RAPGEF6: variants seen among roughly 807,000 people sequenced by gnomAD.
RAPGEF6 encodes PDZ domain containing guanine nucleotide exchange factor (GEF) 2.
A neutral mutation model predicts 171.4 loss-of-function variants in RAPGEF6; 56 were observed. The ratio of observed to expected loss-of-function variants is 0.33; its 90% CI spans 0.26 to 0.41. The LOEUF is 0.41. RAPGEF6 is among the 10% of genes least tolerant of loss of function. The pLI is 1.00. For synonymous variants in RAPGEF6, 692 were observed against 650.1 expected (o/e 1.06, Z -0.98); for missense variants, 1,674 against 1,921.4 (o/e 0.87, Z 2.41).
chr5:131,634,778 G>A (rs1288567104), intron 1 of RAPGEF6, among the ~76,000 whole-genome samples, 184 bp downstream of exon 1: 1 of 152,220 alleles, frequency 6.6e-6, no homozygotes, highest in Non-Finnish European at 1.5e-5. Flanking sequence ...CGCATCACAG[G>A]CAGGAAGGGC....
At chr5:131,603,234 A>G (rs1390066686) in intron 3 of RAPGEF6, 37 bp downstream of exon 3, 2 of 1,436,388 alleles carry the variant, frequency 1.4e-6, no homozygotes, top group Non-Finnish European at 1.9e-6. Flanking sequence ...TTTAAACATA[A>G]AAGTCATTAG....
chr5:131,496,201 C>G (rs946400743), intron 12 of RAPGEF6, among the ~76,000 whole-genome samples: 25 of 152,060 alleles, frequency 1.6e-4, no homozygotes, highest in Admixed American at 7.9e-4. Flanking sequence ...AAACAAAAAC[C>G]CTTACAAATC....
intron 24 of RAPGEF6, among the ~76,000 whole-genome samples, chr5:131,437,313 G>A (rs1561463345): frequency 2.0e-5 from 3 of 152,198 alleles, no homozygotes; most frequent in Admixed American, 1.3e-4. Flanking sequence ...AGTGTTGAGT[G>A]TAGATTTTGT....
chr5:131,457,764 C>A (rs1753617941), intron 19 of RAPGEF6, among the ~76,000 whole-genome samples: 1 of 152,002 alleles, frequency 6.6e-6, no homozygotes, highest in Non-Finnish European at 1.5e-5. Context: ...CTGTGAGGAG[C>A]CATGGAACGA....
At chr5:131,468,658 G>A (rs569246777) in intron 17 of RAPGEF6, among the ~76,000 whole-genome samples, 2 of 152,272 alleles carry the variant, frequency 1.3e-5, no homozygotes, top group African/African-American at 2.4e-5. Context: ...TGCCTGTTAT[G>A]TGTCAACAGG....
chr5:131,517,564 T>TGGGCCAGGCGCGGTG (rs1554077998), intron 7 of RAPGEF6, among the ~76,000 whole-genome samples: 1 of 141,334 alleles, frequency 7.1e-6, no homozygotes, highest in Non-Finnish European at 1.6e-5. Context: ...ATCTCTCAAA[T>TGGGCCAGGCGCGGTG]GCTAAAATTC....
intron 15 of RAPGEF6, among the ~76,000 whole-genome samples, chr5:131,482,607 C>CT (rs1755567277): frequency 1.3e-5 from 2 of 152,144 alleles, no homozygotes; most frequent in East Asian, 1.9e-4. Context: ...CTGGCCAATA[C>CT]TTTTTAAATC....
chr5:131,608,228 C>T lies in RAPGEF6; in HGVS notation c.70-3535G>A, dbSNP rs113079086. On this transcript the variant is annotated intron_variant, in intron 1 of 27. Coordinates refer to ENST00000509018, the MANE Select transcript of RAPGEF6 (RefSeq NM_016340.6). ...AAGAAAAATCATCTGGGCCACAAAA[C>T]CTAAAACATTCACTATTTGGCCCTT... 4.3e-3 allele frequency among the ~76,000 whole-genome samples: 661 copies of T among 152,190 alleles called. 7 individuals are homozygous for T. Among genetic ancestry groups the T allele is most frequent in the African/African-American group, 0.015 (633 of 41,508 alleles).
At chr5:131,509,420 G>A (rs999921746) in intron 8 of RAPGEF6, among the ~76,000 whole-genome samples, 1 of 152,028 alleles carries the variant, frequency 6.6e-6, no homozygotes, top group African/African-American at 2.4e-5. Context: ...GCGGGCGCCT[G>A]TAGTCCCAGC....
At chr5:131,615,334 T>C (rs1448972181) in intron 1 of RAPGEF6, among the ~76,000 whole-genome samples, 1 of 152,188 alleles carries the variant, frequency 6.6e-6, no homozygotes, top group African/African-American at 2.4e-5. Flanking sequence ...TGGCATTTTG[T>C]TTACACAGGA....
chr5:131,489,492 T>A lies in RAPGEF6; in HGVS notation c.1840+54A>T, dbSNP rs1756138093. 1.8e-5 allele frequency: 19 copies of A among 1,053,508 alleles called. No homozygotes were observed. In the South Asian group the frequency reaches 2.6e-4, roughly 15 times the overall value. 65.3% of individuals were successfully genotyped at this position (1,053,508 alleles called of 1,614,324 possible). On this transcript the variant is annotated intron_variant, in intron 15 of 27. Coordinates refer to ENST00000509018, the MANE Select transcript of RAPGEF6 (RefSeq NM_016340.6). Reference sequence around the variant, plus strand: ...TCTTTTCTTCCACTGTAATGACTTTTCTATTACCAAATTAAGAAGAAAGAG... The same window carrying A: ...TCTTTTCTTCCACTGTAATGACTTTACTATTACCAAATTAAGAAGAAAGAG...
chr5:131,456,471 C>T (rs1753513741), intron 19 of RAPGEF6, among the ~76,000 whole-genome samples: 1 of 152,158 alleles, frequency 6.6e-6, no homozygotes, highest in African/African-American at 2.4e-5. Flanking sequence ...TTTGTTCACT[C>T]ACATCCCTGA....
chr5:131,510,545 C>A, intron 7 of RAPGEF6, 54 bp from the exon 8 acceptor site: 2 of 1,548,768 alleles, frequency 1.3e-6, no homozygotes, highest in South Asian at 2.4e-5. Context: ...TATTATAAGT[C>A]ACAGTCTGAA....
chr5:131,458,200 CAT>C (rs746245875), intron 19 of RAPGEF6, among the ~76,000 whole-genome samples: 18 of 152,188 alleles, frequency 1.2e-4, no homozygotes, highest in Non-Finnish European at 8.8e-5. Context: ...GTAATCCCCA[CAT>C]GTCAGGGGAA....
chr5:131,622,832 A>G (rs1175634635), intron 1 of RAPGEF6, among the ~76,000 whole-genome samples: 1 of 152,218 alleles, frequency 6.6e-6, no homozygotes, highest in African/African-American at 2.4e-5. Flanking sequence ...AAAGCACAAC[A>G]GAATCTTTGT....
At chr5:131,510,544 T>A (rs1202466304) in intron 7 of RAPGEF6, 53 bp from the exon 8 acceptor site, 11 of 1,550,650 alleles carry the variant, frequency 7.1e-6, no homozygotes, top group African/African-American at 1.4e-5. Flanking sequence ...ATATTATAAG[T>A]CACAGTCTGA....
chr5:131,546,152 G>C (rs1047022016), intron 6 of RAPGEF6, among the ~76,000 whole-genome samples: 3 of 152,140 alleles, frequency 2.0e-5, no homozygotes, highest in Non-Finnish European at 4.4e-5. Context: ...CTGAAGTTGA[G>C]ACTAGAATGA....
chr5:131,557,496 C>A (rs574599143), intron 5 of RAPGEF6, among the ~76,000 whole-genome samples: 1 of 152,260 alleles, frequency 6.6e-6, no homozygotes, highest in East Asian at 1.9e-4. Context: ...TTTCTACATA[C>A]AAATCATGTC....
intron 15 of RAPGEF6, among the ~76,000 whole-genome samples, chr5:131,488,236 T>G (rs1322865611): frequency 6.6e-6 from 1 of 152,206 alleles, no homozygotes; most frequent in Admixed American, 6.5e-5. Context: ...TACTTTTCTG[T>G]GTCCCAGAGT....
Sources: gnomAD v4.1 joint callset for allele counts (sites outside exome capture counted in the v4.1 genomes callset) on GRCh38, gnomAD v4.1.1 for gene constraint, MANE v1.5 for transcripts, NCBI Gene and HGNC (gene_info 2026-07-23, HGNC 2026-07-21) for gene names.